The following RAB1A variants were observed in gnomAD, a reference collection of about 807,000 sequenced individuals.
RAB1A encodes ras-related protein Rab-1A.
A neutral mutation model predicts 26.0 loss-of-function variants in RAB1A; 2 were observed. The ratio of observed to expected loss-of-function variants is 0.08; its 90% CI spans 0.03 to 0.24. The LOEUF is 0.24. Among genes scored for constraint, RAB1A ranks in the 10% least tolerant of loss-of-function variants. The pLI is 1.00. For missense variants in RAB1A, 100 were observed against 247.0 expected, an observed-to-expected ratio of 0.40 and a Z score of 3.99; for synonymous variants, 84 against 84.9, an observed-to-expected ratio of 0.99 and a Z score of 0.06.
At chr2:65,098,457 C>G (rs1573069101) in intron 2 of RAB1A, among the ~76,000 whole-genome samples, 1 of 152,266 alleles carries the variant, frequency 6.6e-6, no homozygotes, top group East Asian at 1.9e-4. Flanking sequence ...GCGACCCACC[C>G]ACCCAATTTA....
chr2:65,100,611 A>T (rs1242616891), intron 2 of RAB1A, among the ~76,000 whole-genome samples: 1 of 150,170 alleles, frequency 6.7e-6, no homozygotes, highest in African/African-American at 2.5e-5. Flanking sequence ...AATACAAAAA[A>T]TTAGTGGGTG....
At chr2:65,121,943 G>C (rs970061464) in intron 1 of RAB1A, among the ~76,000 whole-genome samples, 1 of 152,072 alleles carries the variant, frequency 6.6e-6, no homozygotes, top group African/African-American at 2.4e-5. Flanking sequence ...CGGATCACCT[G>C]AGGTCAGGAG....
At position 65,129,988 on chromosome 2, in the gene RAB1A, G is replaced by A. The variant is rs1670201429; in HGVS notation, c.-73C>T. 6.0e-6 allele frequency: 9 copies of A among 1,508,380 alleles called. No homozygotes were observed. The highest frequency in any genetic ancestry group is 1.2e-5 in the South Asian group (1 of 83,380). The allele number at this position is 1,508,380 out of a possible 1,614,324, so 93.4% of individuals were successfully genotyped here. On this transcript the variant is annotated 5_prime_UTR_variant, in exon 1 of 6. Coordinates refer to ENST00000409784, the MANE Select transcript of RAB1A (RefSeq NM_004161.5). ...CGCCGCCCTGACTCTCCGCGCCACG[G>A]GTAATCGAAAGAAAGGAATGAGATA... is the stretch of plus-strand genomic sequence containing the variant.
rs773645872 is a variant in RAB1A, at chr2:65,088,568, T to G, written c.543A>C (p.Thr181=). The change falls in exon 6 of 6, where the codon ACA becomes ACC. Residue 181 remains threonine, a synonymous_variant. Coordinates refer to ENST00000409784, the MANE Select transcript of RAB1A (RefSeq NM_004161.5). ...EIKKRMGPGA[T]AGGAEKSNVK... is the part of the protein sequence containing the mutation. The stretch of plus-strand genomic sequence containing the variant: ...CATTGGACTTCTCAGCACCACCAGC[T>G]GTTGCTCCGGGACCCATTCGCTTTT... The G allele has an allele frequency of 5.0e-6, 8 of 1,613,804 alleles. No homozygotes were observed. The South Asian group carries it at 8.8e-5, about 18-fold the overall frequency.
At chr2:65,095,935 C>T (rs1193316771) in intron 3 of RAB1A, among the ~76,000 whole-genome samples, 3 of 152,042 alleles carry the variant, frequency 2.0e-5, no homozygotes, top group Admixed American at 6.6e-5. Flanking sequence ...AGGCAGATCA[C>T]GAGGTCAGGA....
At position 65,091,070 on chromosome 2, in the gene RAB1A, T is replaced by C; in HGVS notation, c.201A>G (p.Thr67=). The change falls in exon 4 of 6, where the codon ACA becomes ACG. Residue 67 remains threonine (T), a synonymous_variant. Coordinates refer to ENST00000409784, the MANE Select transcript of RAB1A (RefSeq NM_004161.5). ...GKTIKLQIWD[T]AGQERFRTIT... is the part of the protein sequence containing the mutation. ...TTGTTCGAAATCTTTCCTGGCCTGCTGTGTCCCACTATTACAAAACAATCA... is the reference window on the plus strand; with the variant it reads ...TTGTTCGAAATCTTTCCTGGCCTGCCGTGTCCCACTATTACAAAACAATCA... The C allele has an allele frequency of 6.2e-7, 1 of 1,611,782 alleles. No homozygotes were observed. Among genetic ancestry groups the C allele is most frequent in the Non-Finnish European group, 8.5e-7 (1 of 1,178,022 alleles).
chr2:65,113,028 G>A (rs1287808935), intron 1 of RAB1A, among the ~76,000 whole-genome samples: 1 of 152,120 alleles, frequency 6.6e-6, no homozygotes, highest in African/African-American at 2.4e-5. Context: ...GGGCAACATA[G>A]AGAGAAGCCC....
chr2:65,125,423 C>CTT lies in RAB1A; in HGVS notation c.23+4468_23+4469dup, dbSNP rs35048150. On this transcript the variant is annotated intron_variant, in intron 1 of 5. Coordinates refer to ENST00000409784, the MANE Select transcript of RAB1A (RefSeq NM_004161.5). ...CGAGAATAATGTTAAGTATTTCTTT[C>CTT]TTTTTTTTTTTTTTTTTTTGAGGAG... Among the ~76,000 whole-genome samples, 1,001 of 127,232 alleles carry CTT rather than the reference C, an allele frequency of 7.9e-3. 16 individuals are homozygous for CTT. The highest frequency in any genetic ancestry group is 0.022 in the Middle Eastern group (5 of 232). 83.5% of individuals were successfully genotyped at this position (127,232 alleles called of 152,430 possible).
At chr2:65,109,045 G>A (rs1005843581) in intron 1 of RAB1A, among the ~76,000 whole-genome samples, 2 of 152,136 alleles carry the variant, frequency 1.3e-5, no homozygotes, top group African/African-American at 2.4e-5. Flanking sequence ...CTTGAATAGC[G>A]TGATCAGTGA....
At chr2:65,110,372 T>G (rs992228946) in intron 1 of RAB1A, among the ~76,000 whole-genome samples, 2 of 133,396 alleles carry the variant, frequency 1.5e-5, no homozygotes, top group African/African-American at 5.7e-5. Flanking sequence ...ACCCGGGAGG[T>G]GGAGGTTGCA....
At chr2:65,102,799 G>A (rs1669462477) in intron 2 of RAB1A, among the ~76,000 whole-genome samples, 9 of 152,066 alleles carry the variant, frequency 5.9e-5, no homozygotes, top group Admixed American at 3.3e-4. Flanking sequence ...GGTGGCAGGT[G>A]CCTATAATCC....
intron 1 of RAB1A, among the ~76,000 whole-genome samples, chr2:65,126,516 C>G (rs369523324): frequency 1.6e-4 from 24 of 152,012 alleles, no homozygotes; most frequent in Non-Finnish European, 1.0e-4. Flanking sequence ...TCTAAAAATT[C>G]TGTTGCTTCA....
chr2:65,113,592 T>C (rs1291328197), intron 1 of RAB1A, among the ~76,000 whole-genome samples: 3 of 152,174 alleles, frequency 2.0e-5, no homozygotes, highest in Non-Finnish European at 2.9e-5. Context: ...AATAAAAAGT[T>C]AGAAAAACAG....
intron 1 of RAB1A, among the ~76,000 whole-genome samples, chr2:65,114,357 C>T (rs1379088656): frequency 6.6e-6 from 1 of 151,960 alleles, no homozygotes; most frequent in Admixed American, 6.6e-5. Flanking sequence ...AATACAAATA[C>T]AAATTTATAA....
intron 1 of RAB1A, among the ~76,000 whole-genome samples, chr2:65,122,664 T>C (rs1305352617): frequency 6.6e-6 from 1 of 152,022 alleles, no homozygotes. Context: ...ATTAGGAAAG[T>C]ATATAGCTTG....
At chr2:65,125,864 C>CA in intron 1 of RAB1A, among the ~76,000 whole-genome samples, 1 of 74,736 alleles carries the variant, frequency 1.3e-5, no homozygotes, top group South Asian at 5.2e-4. Flanking sequence ...TTTCAATTGC[C>CA]TTTTTTTTTT....
intron 1 of RAB1A, among the ~76,000 whole-genome samples, chr2:65,121,995 C>G (rs1204192317): frequency 6.6e-6 from 1 of 151,880 alleles, no homozygotes; most frequent in Non-Finnish European, 1.5e-5. Flanking sequence ...CCCATCTCTA[C>G]TAATATAAAA....
chr2:65,121,606 A>G (rs1018954326), intron 1 of RAB1A, among the ~76,000 whole-genome samples: 2 of 152,154 alleles, frequency 1.3e-5, no homozygotes, highest in Non-Finnish European at 2.9e-5. Context: ...TTTCCCCTGA[A>G]TATCATTCCA....
intron 2 of RAB1A, among the ~76,000 whole-genome samples, chr2:65,102,487 T>C (rs185765176): frequency 2.9e-4 from 44 of 152,286 alleles, no homozygotes; most frequent in African/African-American, 9.6e-4. Context: ...AATTCTAATT[T>C]TCCATGATAA....
Sources: gnomAD v4.1 joint callset for allele counts (sites outside exome capture counted in the v4.1 genomes callset) on GRCh38, gnomAD v4.1.1 for gene constraint, MANE v1.5 for transcripts, NCBI Gene and HGNC (gene_info 2026-07-23, HGNC 2026-07-21) for gene names.